Variants in SBK1 observed in about 807,000 individuals in gnomAD.
SBK1 encodes serine/threonine-protein kinase SBK1.
SBK1 carries 11 observed loss-of-function variants against 24.4 expected under a neutral mutation model. The observed-to-expected ratio is 0.45, with a 90% confidence interval of 0.28 to 0.75. SBK1 has a LOEUF of 0.75. Ranked by LOEUF, SBK1 falls within the 30% of genes least tolerant of loss-of-function variation. The pLI, the probability that SBK1 is intolerant of heterozygous loss-of-function variation, is 0.12. For missense variants in SBK1, 467 were observed against 620.5 expected (o/e 0.75, Z 2.63); for synonymous variants, 308 against 284.4 (o/e 1.08, Z -0.83).
At chr16:28,264,997 C>T (rs995396566) in intron 1 of SBK1, among the ~76,000 whole-genome samples, 8 of 151,838 alleles carry the variant, frequency 5.3e-5, no homozygotes, top group Non-Finnish European at 8.8e-5. Flanking sequence ...AGCTGCCAGG[C>T]GCATTGGAAC....
upstream of SBK1, among the ~76,000 whole-genome samples, chr16:28,287,811 G>A (rs28709965): frequency 0.43 from 64,646 of 151,860 alleles, 14,640 homozygotes; most frequent in South Asian, 0.59. Context: ...CTACAGGTGC[G>A]TGCCACCATG....
intron 1 of SBK1, among the ~76,000 whole-genome samples, chr16:28,297,979 A>G (rs1335985592): frequency 6.6e-6 from 1 of 152,088 alleles, no homozygotes; most frequent in Non-Finnish European, 1.5e-5. Flanking sequence ...TTTGTGGGTA[A>G]AGCCCTCCTC....
At chr16:28,278,781 G>A (rs929517960) in intron 1 of SBK1, among the ~76,000 whole-genome samples, 2 of 152,160 alleles carry the variant, frequency 1.3e-5, no homozygotes, top group Admixed American at 6.5e-5. Flanking sequence ...TACTCACCCC[G>A]ACAACAGTCA....
Position 28,320,990 on chromosome 16 carries a change from T to G in SBK1, c.*69T>G. ...CCCGAGCCGGTGCCCGGTGCGGCGGTAGGGAATGGAGCCACCTCGCCGCGG... is the reference window on the plus strand; with the variant it reads ...CCCGAGCCGGTGCCCGGTGCGGCGGGAGGGAATGGAGCCACCTCGCCGCGG... On this transcript the variant is annotated 3_prime_UTR_variant, in exon 4 of 4. Transcript: ENST00000341901. The surrounding 1 kb of genome is among the most constrained non-coding windows in gnomAD (Gnocchi z 8.5). 7.8e-7 allele frequency: 1 copy of G among 1,286,766 alleles called. No homozygotes were observed. The highest frequency in any genetic ancestry group is 9.9e-7 in the Non-Finnish European group (1 of 1,010,224). 79.7% of individuals were successfully genotyped at this position (1,286,766 alleles called of 1,614,324 possible).
chr16:28,271,265 G>A (rs1461884204), intron 1 of SBK1, among the ~76,000 whole-genome samples: 1 of 152,022 alleles, frequency 6.6e-6, no homozygotes, highest in Non-Finnish European at 1.5e-5. Context: ...ACAATAAAGA[G>A]TAAGACCTGG....
At position 28,293,229 on chromosome 16, in the gene SBK1, C is replaced by A. The variant is rs562397712; in HGVS notation, c.-79C>A. The stretch of plus-strand genomic sequence containing the variant: ...CCATGGTCGTGGCGCCCTGAGCCCC[C>A]GGGGCCGGGCAGACGAAGACCGCGA... On this transcript the variant is annotated 5_prime_UTR_variant, in exon 1 of 4. Coordinates refer to ENST00000341901, the MANE Select transcript of SBK1 (RefSeq NM_001024401.3). 1.1e-3 allele frequency: 1,036 copies of A among 985,376 alleles called. 7 individuals are homozygous for A. The Middle Eastern group carries it at 0.017, about 16-fold the overall frequency. The allele number at this position is 985,376 out of a possible 1,614,324, so 61.0% of individuals were successfully genotyped here.
chr16:28,267,911 G>A (rs768916669), intron 1 of SBK1, among the ~76,000 whole-genome samples: 16 of 152,190 alleles, frequency 1.1e-4, no homozygotes, highest in Non-Finnish European at 2.1e-4. Context: ...GCTTTGGGAG[G>A]CTGAACTGGG....
At chr16:28,288,284 A>G (rs2044578664), upstream of SBK1, among the ~76,000 whole-genome samples, 3 of 152,148 alleles carry the variant, frequency 2.0e-5, no homozygotes, top group Non-Finnish European at 2.9e-5. Context: ...GTGGGAAGCA[A>G]ACCAGAGCCT....
rs756202479 is a variant in SBK1, at chr16:28,320,840, G to C, written c.1194G>C (p.Gly398=). 2.1e-5 allele frequency: 31 copies of C among 1,467,238 alleles called. No individual in the cohort carries two copies. The highest frequency in any genetic ancestry group is 1.8e-4 in the Middle Eastern group (1 of 5,438). 90.9% of individuals were successfully genotyped at this position (1,467,238 alleles called of 1,614,324 possible). Residue 398 remains glycine (G), a synonymous_variant, in exon 4 of 4, where the codon GGG becomes GGC. Transcript: ENST00000341901. This position sits in a 1 kb window ranked among gnomAD's most constrained non-coding sequence, Gnocchi z 8.5. The part of the protein sequence containing the change: ...PVPEPGLAPQ[G]PPGRTDGRAD... Reference sequence around the variant, plus strand: ...CCGAGCCCGGCCTAGCTCCCCAGGGGCCCCCCGGCCGGACCGACGGCCGCG... The same window carrying C: ...CCGAGCCCGGCCTAGCTCCCCAGGGCCCCCCCGGCCGGACCGACGGCCGCG...
Position 28,320,777 on chromosome 16 carries a change from G to T in SBK1, c.1131G>T (p.Val377=), listed in dbSNP as rs1364604748. 6 of 1,403,964 alleles carry T rather than the reference G, an allele frequency of 4.3e-6. No homozygotes were observed. The highest frequency in any genetic ancestry group is 2.5e-5 in the Admixed American group (1 of 40,514). 87.0% of individuals were successfully genotyped at this position (1,403,964 alleles called of 1,614,324 possible). A position where few individuals can be genotyped will look rare whatever the true frequency, so the allele number is the denominator to read the frequency against. Residue 377 remains valine (V), a synonymous_variant, in exon 4 of 4, where the codon GTG becomes GTT. Coordinates refer to ENST00000341901, the MANE Select transcript of SBK1 (RefSeq NM_001024401.3). This position sits in a 1 kb window ranked among gnomAD's most constrained non-coding sequence, Gnocchi z 8.5. ...CCGTCGGGTCGGTGCCCTTGCCCGT[G>T]CCGGTGCCGGTGCCAGTGCCCGTGC... The part of the protein sequence containing the change: ...PPAVGSVPLP[V]PVPVPVPVPV...
chr16:28,320,588 G>A lies in SBK1; in HGVS notation c.942G>A (p.Lys314=), dbSNP rs755134108. The stretch of plus-strand genomic sequence containing the variant: ...CCAAGGAGGTGTTCCGCTTCCTCAA[G>A]CACGAGCTCACGTCCGAGCTGCGCC... ...GPAKEVFRFL[K]HELTSELRRR... is the part of the protein sequence containing the mutation. Residue 314 remains lysine, a synonymous_variant, in exon 4 of 4, where the codon AAG becomes AAA. Transcript: ENST00000341901. The surrounding 1 kb of genome is among the most constrained non-coding windows in gnomAD (Gnocchi z 8.5). 6.6e-7 allele frequency: 1 copy of A among 1,510,600 alleles called. No homozygotes were observed. The highest frequency in any genetic ancestry group is 1.2e-5 in the South Asian group (1 of 83,214). The allele number at this position is 1,510,600 out of a possible 1,614,324, so 93.6% of individuals were successfully genotyped here.
At chr16:28,312,285 T>C (rs1308755810) in intron 1 of SBK1, among the ~76,000 whole-genome samples, 2 of 152,178 alleles carry the variant, frequency 1.3e-5, no homozygotes, top group Non-Finnish European at 2.9e-5. Context: ...CAGCCTTGCC[T>C]CTCCCTGCTG....
At position 28,293,380 on chromosome 16, in the gene SBK1, C is replaced by T. The variant is rs533269820; in HGVS notation, c.-8+80C>T. On this transcript the variant is annotated intron_variant, in intron 1 of 3. Transcript: ENST00000341901. ...GCCCTGCAGGTGGGGAAGGAAGTAT[C>T]GGGTTGCGCGCTCCCCCTTCCCCAG... 1.9e-5 allele frequency: 13 copies of T among 699,158 alleles called. No individual in the cohort carries two copies. The Admixed American group carries it at 2.5e-4, about 13-fold the overall frequency. 43.3% of individuals were successfully genotyped at this position (699,158 alleles called of 1,614,324 possible).
chr16:28,266,501 G>C (rs112500789), intron 1 of SBK1, among the ~76,000 whole-genome samples: 1 of 152,046 alleles, frequency 6.6e-6, no homozygotes, highest in Non-Finnish European at 1.5e-5. Context: ...TAATTCTTAC[G>C]GTTTTATATG....
intron 1 of SBK1, among the ~76,000 whole-genome samples, chr16:28,316,601 C>CA (rs944708214): frequency 1.7e-4 from 25 of 146,052 alleles, no homozygotes; most frequent in African/African-American, 3.5e-4. Context: ...GCCAACTCTA[C>CA]AAAAAAAAAA....
At chr16:28,312,794 G>A (rs2044762639) in intron 1 of SBK1, among the ~76,000 whole-genome samples, 1 of 152,190 alleles carries the variant, frequency 6.6e-6, no homozygotes, top group Non-Finnish European at 1.5e-5. Flanking sequence ...GAGCCCAGGA[G>A]TTCAAGACCA....
intron 2 of SBK1, among the ~76,000 whole-genome samples, chr16:28,318,316 C>G (rs2044812589): frequency 6.6e-6 from 1 of 152,232 alleles, no homozygotes; most frequent in Non-Finnish European, 1.5e-5. Context: ...TTTGTGCTAA[C>G]TGAGGGCAGC....
intron 1 of SBK1, among the ~76,000 whole-genome samples, chr16:28,283,185 C>T (rs2044544449): frequency 1.3e-5 from 2 of 152,106 alleles, no homozygotes; most frequent in Non-Finnish European, 2.9e-5. Context: ...CCCACCTCGG[C>T]CTCCCAAAAT....
rs1296810316 is a variant in SBK1 at position 28,280,313 on chromosome 16, AAT to A, written c.257+20821_257+20822del. Among the ~76,000 whole-genome samples the A allele has an allele frequency of 8.7e-5, 12 of 137,814 alleles. 1 individual carries two copies. Among genetic ancestry groups the A allele is most frequent in the African/African-American group, 2.1e-4 (8 of 38,368 alleles). The allele number at this position is 137,814 out of a possible 152,430, so 90.4% of individuals were successfully genotyped here. A position where few individuals can be genotyped will look rare whatever the true frequency, so the allele number is the denominator to read the frequency against. On this transcript the variant is annotated intron_variant, in intron 1 of 3. Transcript: ENST00000671413. ...CATATATATGCACATATATGTATAT[AAT>A]ATATATATACGTACATATGTATATA...
Sources: allele counts gnomAD v4.1 joint callset (sites outside exome capture counted in the v4.1 genomes callset), GRCh38; gene constraint gnomAD v4.1.1; non-coding constraint Gnocchi (gnomAD v3.1); transcripts MANE v1.5; gene names NCBI Gene and HGNC (gene_info 2026-07-23, HGNC 2026-07-21).